Variants in TENM1 observed in about 807,000 individuals in gnomAD.
TENM1 encodes teneurin transmembrane protein 1, also known as teneurin-1.
TENM1 carries 35 observed loss-of-function variants against 174.8 expected under a neutral mutation model. That is an observed-to-expected ratio of 0.20 (90% CI 0.15 to 0.27). TENM1 has a LOEUF of 0.27. TENM1 is among the 10% of genes least tolerant of loss of function. The probability of loss-of-function intolerance (pLI) is 1.00; values close to 1 mark genes in which losing one functional copy is unlikely to be tolerated. For synonymous variants in TENM1, 781 were observed against 798.7 expected, an observed-to-expected ratio of 0.98 and a Z score of 0.37; for missense variants, 1,633 against 2,130.1, an observed-to-expected ratio of 0.77 and a Z score of 4.59.
At chrX:124,653,479 T>C in intron 7 of TENM1, 105 bp downstream of exon 10, 1 of 591,117 alleles carries the variant, frequency 1.7e-6, no homozygotes, top group Non-Finnish European at 2.7e-6. Flanking sequence ...AATATTTTTC[T>C]GTCCTTACCT....
At chrX:124,719,920 T>C (rs777964412) in intron 4 of TENM1, among the ~76,000 whole-genome samples, 2 of 112,283 alleles carry the variant, frequency 1.8e-5, no homozygotes, top group South Asian at 7.5e-4. Flanking sequence ...AACCAGATTA[T>C]ATTTTTATCT....
At chrX:124,655,903 C>T (rs73543954) in intron 6 of TENM1, among the ~76,000 whole-genome samples, 13,381 of 111,220 alleles carry the variant, frequency 0.12, 1,679 homozygotes, top group African/African-American at 0.39. Flanking sequence ...CCCTAAAGGG[C>T]TGATTATACA....
intron 1 of TENM1, among the ~76,000 whole-genome samples, chrX:124,958,559 C>T (rs1023332968): frequency 1.4e-4 from 16 of 111,505 alleles, no homozygotes; most frequent in African/African-American, 5.2e-4. Context: ...AAGATCATCA[C>T]TCTCATGATG....
chrX:125,137,962 T>C, the TENM1 span, among the ~76,000 whole-genome samples: 1 of 111,966 alleles, frequency 8.9e-6, no homozygotes, highest in East Asian at 2.8e-4. Context: ...CTCAAAGAGA[T>C]TCCCTCATGC....
chrX:124,576,088 C>T (rs900232003), intron 11 of TENM1, among the ~76,000 whole-genome samples: 3 of 110,506 alleles, frequency 2.7e-5, no homozygotes, highest in Non-Finnish European at 5.7e-5. Context: ...GAGACGGAGT[C>T]GCACTCTGTC....
rs1360855635 is a variant in TENM1 at position 124,755,169 on chromosome X, C to A, written c.536-17972G>T. 3.8e-5 allele frequency among the ~76,000 whole-genome samples: 4 copies of A among 104,137 alleles called. No homozygotes were observed. In the Admixed American group the frequency reaches 3.9e-4, roughly 10 times the overall value. The allele number at this position is 104,137 out of a possible 115,157, so 90.4% of individuals were successfully genotyped here. On this transcript the variant is annotated intron_variant, in intron 3 of 31. Transcript: ENST00000422452. Reference sequence around the variant, plus strand: ...AGGACTTGCTTTATGAATCTGGGTGCTCCTGTATTGGGTGCATATATATTT... The same window carrying A: ...AGGACTTGCTTTATGAATCTGGGTGATCCTGTATTGGGTGCATATATATTT...
the TENM1 span, among the ~76,000 whole-genome samples, chrX:125,001,517 GAAAGTT>G: frequency 9.0e-6 from 1 of 111,279 alleles, no homozygotes; most frequent in Non-Finnish European, 1.9e-5. Context: ...CACAAATCTA[GAAAGTT>G]ATCTTCAACA....
intron 3 of TENM1, among the ~76,000 whole-genome samples, chrX:124,811,164 GA>G (rs2055762969): frequency 9.0e-6 from 1 of 111,582 alleles, no homozygotes; most frequent in African/African-American, 3.3e-5. Flanking sequence ...ATAGAAAAAT[GA>G]GATTACATCA....
At chrX:124,847,602 C>T (rs1419522481) in intron 3 of TENM1, among the ~76,000 whole-genome samples, 1 of 111,592 alleles carries the variant, frequency 9.0e-6, no homozygotes, top group Non-Finnish European at 1.9e-5. Context: ...TAAGGTCTAT[C>T]TTCTTGTTGT....
rs751311738 is a variant in TENM1, at chrX:124,595,507, G to T, written c.2078-29947C>A. Among the ~76,000 whole-genome samples the T allele has an allele frequency of 1.3e-4, 15 of 111,771 alleles. No homozygotes were observed. The East Asian group carries it at 3.6e-3, about 27-fold the overall frequency. On this transcript the variant is annotated intron_variant, in intron 11 of 31. Transcript: ENST00000422452. ...TTGTAAGAAATATGAATACTCACTT[G>T]ACAATTGTAGACTATAGCCACAAAT...
At chrX:125,005,736 C>A in the TENM1 span, among the ~76,000 whole-genome samples, 1 of 110,444 alleles carries the variant, frequency 9.1e-6, no homozygotes, top group Non-Finnish European at 1.9e-5. Flanking sequence ...GGAGAGCGAG[C>A]AGAAGCAGGA....
chrX:125,197,457 G>A, the TENM1 span, among the ~76,000 whole-genome samples: 1 of 111,852 alleles, frequency 8.9e-6, no homozygotes, highest in Non-Finnish European at 1.9e-5. Context: ...CCATCCAGAT[G>A]AATGAATGAC....
At chrX:124,929,391 G>A (rs2058136683) in intron 1 of TENM1, among the ~76,000 whole-genome samples, 1 of 112,055 alleles carries the variant, frequency 8.9e-6, no homozygotes, top group African/African-American at 3.2e-5. Context: ...TATGGTTAAG[G>A]CATAATAAAT....
At chrX:124,921,574 G>A (rs1012706472) in intron 1 of TENM1, among the ~76,000 whole-genome samples, 1 of 111,294 alleles carries the variant, frequency 9.0e-6, no homozygotes, top group African/African-American at 3.3e-5. Context: ...CCCTATTGCT[G>A]GACATCCAAG....
intron 11 of TENM1, among the ~76,000 whole-genome samples, chrX:124,612,800 A>G (rs2050309123): frequency 9.1e-6 from 1 of 109,774 alleles, no homozygotes; most frequent in Non-Finnish European, 1.9e-5. Flanking sequence ...TATATCATCT[A>G]TCTATCATTG....
intron 22 of TENM1, among the ~76,000 whole-genome samples, chrX:124,476,306 C>T (rs189368616): frequency 8.9e-6 from 1 of 112,105 alleles, no homozygotes; most frequent in East Asian, 2.8e-4. Flanking sequence ...TTCAGCTAGA[C>T]CTGGATAGGG....
intron 23 of TENM1, among the ~76,000 whole-genome samples, chrX:124,452,957 A>G (rs2061059948): frequency 9.1e-6 from 1 of 110,349 alleles, no homozygotes; most frequent in Non-Finnish European, 1.9e-5. Context: ...ACATGTATAC[A>G]TATGTAACTA....
chrX:124,558,637 T>C (rs1283447065), intron 14 of TENM1, among the ~76,000 whole-genome samples: 1 of 111,529 alleles, frequency 9.0e-6, no homozygotes, highest in Non-Finnish European at 1.9e-5. Context: ...GCATTTAATA[T>C]ATTCTCAGGG....
chrX:124,564,933 T>C (rs2048907796), intron 12 of TENM1, among the ~76,000 whole-genome samples: 1 of 111,536 alleles, frequency 9.0e-6, no homozygotes, highest in South Asian at 3.8e-4. Context: ...AGACAGCCTC[T>C]AATGATATCG....
Sources: gnomAD v4.1 joint callset for allele counts (sites outside exome capture counted in the v4.1 genomes callset) on GRCh38, gnomAD v4.1.1 for gene constraint, MANE v1.5 for transcripts, NCBI Gene and HGNC (gene_info 2026-07-23, HGNC 2026-07-21) for gene names.